FLACC1: variants seen among roughly 807,000 people sequenced by gnomAD.
The protein encoded by FLACC1 is flagellum associated containing coiled-coil domains 1.
In FLACC1, 66 loss-of-function variants were observed where a neutral mutation model predicts 62.8. The ratio of observed to expected loss-of-function variants is 1.05; its 90% CI spans 0.86 to 1.29. The LOEUF is 1.29. Ranked by LOEUF, FLACC1 falls within the 50% of genes most tolerant of loss-of-function variation. The pLI, the probability that FLACC1 is intolerant of heterozygous loss-of-function variation, is 0.00. For synonymous variants in FLACC1, 156 were observed against 161.0 expected (o/e 0.97, Z 0.24); for missense variants, 452 against 489.1 (o/e 0.92, Z 0.71).
At chr2:201,360,471 C>T (rs945539724), upstream of FLACC1, among the ~76,000 whole-genome samples, 1 of 152,168 alleles carries the variant, frequency 6.6e-6, no homozygotes, top group African/African-American at 2.4e-5. Context: ...CTGTGGAGCG[C>T]TATTTGTGGC....
intron 11 of FLACC1, among the ~76,000 whole-genome samples, chr2:201,301,843 T>A (rs913557132): frequency 6.6e-6 from 1 of 152,180 alleles, no homozygotes; most frequent in Non-Finnish European, 1.5e-5. Flanking sequence ...CTAAGCTTCA[T>A]AAGTGAAGGA....
In FLACC1 at chr2:201,289,452, C is replaced by A. The variant is rs771150599; in HGVS notation, c.1142+5G>T. On this transcript the variant is annotated splice_donor_5th_base_variant and intron_variant, in intron 14 of 14. Transcript: ENST00000392257. ...CAGCTATGTCTTTTTCAGCAGCAGC[C>A]GCACTTCAGATGAATGTTCTCTTCC... 1.9e-6 allele frequency: 3 copies of A among 1,612,780 alleles called. No individual in the cohort carries two copies. The highest frequency in any genetic ancestry group is 2.5e-6 in the Non-Finnish European group (3 of 1,178,836).
At position 201,346,427 on chromosome 2, in the gene FLACC1, A is replaced by C; in HGVS notation, c.368+115T>G. On this transcript the variant is annotated intron_variant, in intron 5 of 14. Transcript: ENST00000392257. This position sits in a 1 kb window ranked among gnomAD's most constrained non-coding sequence, Gnocchi z 4.0. ...AGGGAGGTGCCCTTGCGGCCCCTCC[A>C]GAGCAGGGACCAGTGGCCTGGGTGT... 1 of 1,479,900 alleles carries C rather than the reference A, an allele frequency of 6.8e-7. No homozygotes were observed. Among genetic ancestry groups the C allele is most frequent in the Non-Finnish European group, 9.1e-7 (1 of 1,095,124 alleles). 91.7% of individuals were successfully genotyped at this position (1,479,900 alleles called of 1,614,324 possible). A position where few individuals can be genotyped will look rare whatever the true frequency, so the allele number is the denominator to read the frequency against.
chr2:201,304,721 G>A (rs1452854260), intron 11 of FLACC1, among the ~76,000 whole-genome samples: 1 of 152,134 alleles, frequency 6.6e-6, no homozygotes, highest in Non-Finnish European at 1.5e-5. Flanking sequence ...CATGGTACTG[G>A]TACCAAAACA....
intron 4 of FLACC1, among the ~76,000 whole-genome samples, chr2:201,347,945 T>C (rs1167662649): frequency 1.3e-5 from 2 of 152,186 alleles, no homozygotes; most frequent in African/African-American, 4.8e-5. Context: ...ACTTCCTGCA[T>C]CTAGGCATGA....
chr2:201,296,517 T>TGGGGGGA (rs1949866752), intron 12 of FLACC1, among the ~76,000 whole-genome samples: 1 of 37,750 alleles, frequency 2.6e-5, no homozygotes, highest in Non-Finnish European at 4.8e-5. Flanking sequence ...TGTTGTGGGG[T>TGGGGGGA]GGGGGGAGGG....
chr2:201,311,459 T>C (rs1214944748), intron 9 of FLACC1, among the ~76,000 whole-genome samples: 1 of 152,232 alleles, frequency 6.6e-6, no homozygotes, highest in Non-Finnish European at 1.5e-5. Context: ...CGGTGGCTCA[T>C]ACCTGTTATC....
chr2:201,332,018 A>G (rs1324618770), intron 7 of FLACC1, among the ~76,000 whole-genome samples: 1 of 152,212 alleles, frequency 6.6e-6, no homozygotes. Flanking sequence ...CTAAAACTCT[A>G]AAACTACTCT....
At chr2:201,292,390 G>T (rs1576406691) in intron 12 of FLACC1, among the ~76,000 whole-genome samples, 1 of 152,288 alleles carries the variant, frequency 6.6e-6, no homozygotes, top group East Asian at 1.9e-4. Flanking sequence ...TTAAAGAAAA[G>T]AATTTTCAAC....
intron 11 of FLACC1, among the ~76,000 whole-genome samples, chr2:201,300,038 A>G (rs1342119994): frequency 6.6e-6 from 1 of 152,204 alleles, no homozygotes; most frequent in Non-Finnish European, 1.5e-5. Context: ...CAACTGAGGT[A>G]CCAGGTTCAT....
intron 7 of FLACC1, among the ~76,000 whole-genome samples, chr2:201,333,072 G>A (rs958077910): frequency 2.0e-5 from 3 of 152,110 alleles, no homozygotes; most frequent in Admixed American, 1.3e-4. Flanking sequence ...GTAAGCACTC[G>A]GAAGTGGGAT....
upstream of FLACC1, among the ~76,000 whole-genome samples, chr2:201,361,059 T>C (rs1156556792): frequency 2.6e-5 from 4 of 152,156 alleles, no homozygotes; most frequent in Admixed American, 6.5e-5. Flanking sequence ...GCCTGGATGA[T>C]AGAGCAAGAC....
intron 9 of FLACC1, among the ~76,000 whole-genome samples, chr2:201,320,481 C>A (rs1284156954): frequency 6.6e-6 from 1 of 152,250 alleles, no homozygotes; most frequent in Non-Finnish European, 1.5e-5. Context: ...ACTTAGCTTG[C>A]TGCTGCCAGT....
chr2:201,350,123 C>T (rs79903051), intron 3 of FLACC1, among the ~76,000 whole-genome samples: 21 of 152,308 alleles, frequency 1.4e-4, no homozygotes, highest in Non-Finnish European at 2.8e-4. Context: ...CAGTGGCTCA[C>T]GACTGTAATC....
intron 9 of FLACC1, among the ~76,000 whole-genome samples, chr2:201,318,443 T>C (rs1452871576): frequency 1.3e-5 from 2 of 151,956 alleles, no homozygotes; most frequent in Non-Finnish European, 2.9e-5. Flanking sequence ...AGGACATGAA[T>C]AGACAATTCT....
intron 11 of FLACC1, among the ~76,000 whole-genome samples, chr2:201,302,889 A>G (rs1240999279): frequency 4.6e-5 from 7 of 152,266 alleles, no homozygotes; most frequent in Non-Finnish European, 1.0e-4. Context: ...CAATGAGAAC[A>G]AAGACACAAC....
intron 9 of FLACC1, among the ~76,000 whole-genome samples, chr2:201,309,905 C>CAAAAAAAAAAAAAAAAAAAA (rs1161849891): frequency 2.2e-5 from 1 of 44,670 alleles, no homozygotes; most frequent in African/African-American, 6.1e-5. Context: ...GACTCTGTCT[C>CAAAAAAAAAAAAAAAAAAAA]AAAAAAAAAA....
At chr2:201,315,465 T>C (rs927139093) in intron 9 of FLACC1, among the ~76,000 whole-genome samples, 2 of 152,124 alleles carry the variant, frequency 1.3e-5, no homozygotes, top group Non-Finnish European at 2.9e-5. Flanking sequence ...AAGAGGGACA[T>C]TATATAATGG....
At chr2:201,360,044 G>C (rs1196709214), upstream of FLACC1, among the ~76,000 whole-genome samples, 2 of 152,092 alleles carry the variant, frequency 1.3e-5, no homozygotes, top group Non-Finnish European at 2.9e-5. Context: ...ACTCGACTTG[G>C]CAAAGGCTCA....
Sources: allele counts gnomAD v4.1 joint callset (sites outside exome capture counted in the v4.1 genomes callset), GRCh38; gene constraint gnomAD v4.1.1; non-coding constraint Gnocchi (gnomAD v3.1); transcripts MANE v1.5; gene names NCBI Gene and HGNC (gene_info 2026-07-23, HGNC 2026-07-21).